IL1RAPL2: variants seen among roughly 807,000 people sequenced by gnomAD.
IL1RAPL2 encodes X-linked interleukin-1 receptor accessory protein-like 2.
In IL1RAPL2, 3 loss-of-function variants were observed where a neutral mutation model predicts 44.1. The ratio of observed to expected loss-of-function variants is 0.07; its 90% CI spans 0.03 to 0.18. The LOEUF (loss-of-function observed/expected upper bound fraction) is 0.18, where lower values mean the gene tolerates loss of function less well. Among genes scored for constraint, IL1RAPL2 ranks in the 10% least tolerant of loss-of-function variants. The pLI, the probability that IL1RAPL2 is intolerant of heterozygous loss-of-function variation, is 1.00. For missense variants in IL1RAPL2, 391 were observed against 496.4 expected, an observed-to-expected ratio of 0.79 and a Z score of 2.02; for synonymous variants, 181 against 178.8, an observed-to-expected ratio of 1.01 and a Z score of -0.10.
At chrX:105,651,169 G>T (rs1262866996) in intron 6 of IL1RAPL2, among the ~76,000 whole-genome samples, 3 of 111,290 alleles carry the variant, frequency 2.7e-5, no homozygotes, top group Non-Finnish European at 5.7e-5. Flanking sequence ...ATCAGCCGAA[G>T]AATGAAAACC....
At chrX:104,793,512 ATG>A (rs1932835788) in intron 2 of IL1RAPL2, among the ~76,000 whole-genome samples, 1 of 111,983 alleles carries the variant, frequency 8.9e-6, no homozygotes, top group Non-Finnish European at 1.9e-5. Flanking sequence ...GTTGTTGATG[ATG>A]TGTTTTTCTC....
chrX:105,263,084 C>T (rs2034372861), intron 4 of IL1RAPL2, among the ~76,000 whole-genome samples: 1 of 110,199 alleles, frequency 9.1e-6, no homozygotes, highest in African/African-American at 3.3e-5. Context: ...GGTGTTTCTC[C>T]ATGTTGATCA....
chrX:105,392,925 T>G (rs1010426476), intron 5 of IL1RAPL2, among the ~76,000 whole-genome samples: 6 of 112,379 alleles, frequency 5.3e-5, no homozygotes, highest in Non-Finnish European at 9.4e-5. Context: ...AGTCTATGAT[T>G]CTTTTTTGCA....
chrX:104,838,702 G>T (rs950409040), intron 2 of IL1RAPL2, among the ~76,000 whole-genome samples: 1 of 110,257 alleles, frequency 9.1e-6, no homozygotes, highest in Admixed American at 9.8e-5. Flanking sequence ...CTTCCTATTC[G>T]CATACCCTTT....
intron 2 of IL1RAPL2, among the ~76,000 whole-genome samples, chrX:105,177,402 TTATTA>T (rs1404981469): frequency 9.0e-6 from 1 of 110,960 alleles, no homozygotes; most frequent in African/African-American, 3.3e-5. Flanking sequence ...TATAATTATT[TTATTA>T]TATATTACAA....
At chrX:105,037,393 G>C (rs931831975) in intron 2 of IL1RAPL2, among the ~76,000 whole-genome samples, 1 of 111,140 alleles carries the variant, frequency 9.0e-6, no homozygotes, top group Non-Finnish European at 1.9e-5. Context: ...AAAAGGGTTG[G>C]GTAGTTACAG....
intron 7 of IL1RAPL2, among the ~76,000 whole-genome samples, chrX:105,719,015 T>C (rs1191028322): frequency 2.7e-5 from 3 of 111,346 alleles, no homozygotes; most frequent in Non-Finnish European, 5.7e-5. Flanking sequence ...GGAAACCTCA[T>C]ATACTGCTGG....
At chrX:104,709,996 A>G (rs777349525) in intron 2 of IL1RAPL2, among the ~76,000 whole-genome samples, 6 of 111,360 alleles carry the variant, frequency 5.4e-5, no homozygotes, top group South Asian at 3.8e-4. Context: ...AACAAACAGC[A>G]AAGTTGTGGG....
chrX:104,916,740 C>T (rs921321281), intron 2 of IL1RAPL2, among the ~76,000 whole-genome samples: 1 of 110,814 alleles, frequency 9.0e-6, no homozygotes, highest in Non-Finnish European at 1.9e-5. Context: ...TGAGTTATGT[C>T]CCATCAGTAC....
At chrX:104,904,703 T>A (rs1162666927) in intron 2 of IL1RAPL2, among the ~76,000 whole-genome samples, 13 of 110,201 alleles carry the variant, frequency 1.2e-4, no homozygotes, top group African/African-American at 4.3e-4. Flanking sequence ...AGTCTATCAT[T>A]GTTGGACATT....
At chrX:105,635,056 G>C in intron 6 of IL1RAPL2, among the ~76,000 whole-genome samples, 1 of 111,456 alleles carries the variant, frequency 9.0e-6, no homozygotes, top group Non-Finnish European at 1.9e-5. Flanking sequence ...GAATGTGTTG[G>C]ATTTTAACAG....
At chrX:104,856,569 T>C (rs973998013) in intron 2 of IL1RAPL2, among the ~76,000 whole-genome samples, 11 of 112,112 alleles carry the variant, frequency 9.8e-5, no homozygotes, top group African/African-American at 3.6e-4. Flanking sequence ...TTGTTGTGAA[T>C]TCATGCATGT....
intron 6 of IL1RAPL2, among the ~76,000 whole-genome samples, 183 bp from the exon 7 acceptor site, chrX:105,717,184 A>T (rs189578398): frequency 8.9e-6 from 1 of 112,229 alleles, no homozygotes. Context: ...TTTGAATTTA[A>T]GTTTTTTTCT....
At chrX:104,790,578 A>AT (rs377511501) in intron 2 of IL1RAPL2, among the ~76,000 whole-genome samples, 9,406 of 105,448 alleles carry the variant, frequency 0.089, 1,093 homozygotes, top group African/African-American at 0.3. Flanking sequence ...TTTGTGAAAC[A>AT]TTTTTTTTTT....
chrX:105,512,788 C>CT (rs2036479818), intron 6 of IL1RAPL2, among the ~76,000 whole-genome samples: 1 of 111,172 alleles, frequency 9.0e-6, no homozygotes, highest in Admixed American at 9.6e-5. Flanking sequence ...TATTTTTATA[C>CT]TTTAAGTTCT....
intron 2 of IL1RAPL2, among the ~76,000 whole-genome samples, chrX:104,828,994 A>G (rs997118908): frequency 6.2e-5 from 7 of 112,285 alleles, no homozygotes; most frequent in Non-Finnish European, 1.3e-4. Context: ...AAGCTTGAGC[A>G]TCCAGAGTCA....
At chrX:104,821,284 T>C (rs982122874) in intron 2 of IL1RAPL2, among the ~76,000 whole-genome samples, 1 of 110,873 alleles carries the variant, frequency 9.0e-6, no homozygotes, top group African/African-American at 3.3e-5. Context: ...CCGCGATACA[T>C]GCGCAGAACA....
intron 2 of IL1RAPL2, among the ~76,000 whole-genome samples, chrX:104,695,008 G>T (rs1304845720): frequency 8.9e-6 from 1 of 112,258 alleles, no homozygotes; most frequent in Non-Finnish European, 1.9e-5. Flanking sequence ...TCCAGCCTCA[G>T]CTGGGCTCTC....
rs761950816 is a variant in IL1RAPL2 at position 104,950,399 on chromosome X, A to G, written c.83-245076A>G. Among the ~76,000 whole-genome samples, 5 of 112,700 alleles carry G rather than the reference A, an allele frequency of 4.4e-5. No individual in the cohort carries two copies. In the Admixed American group the frequency reaches 4.7e-4, roughly 11 times the overall value. On this transcript the variant is annotated intron_variant, in intron 2 of 10. Transcript: ENST00000372582. ...GTCAGACAGGGACGTTTAAGTCTACAGAGGTTACTGCTGTCTTTTTGTTTG... is the reference window on the plus strand; with the variant it reads ...GTCAGACAGGGACGTTTAAGTCTACGGAGGTTACTGCTGTCTTTTTGTTTG...
Sources: allele counts gnomAD v4.1 joint callset (sites outside exome capture counted in the v4.1 genomes callset), GRCh38; gene constraint gnomAD v4.1.1; transcripts MANE v1.5; gene names NCBI Gene and HGNC (gene_info 2026-07-23, HGNC 2026-07-21).